GNG8: variants seen among roughly 807,000 people sequenced by gnomAD.
GNG8 encodes guanine nucleotide-binding protein G(I)/G(S)/G(O) subunit gamma-8.
In GNG8, 3 loss-of-function variants were observed where a neutral mutation model predicts 4.6. That is an observed-to-expected ratio of 0.65 (90% CI 0.29 to 1.67). GNG8 has a LOEUF of 1.67. GNG8 is among the 40% of genes most tolerant of loss of function. GNG8 has a pLI of 0.10. For synonymous variants in GNG8, 32 were observed against 40.5 expected (o/e 0.79, Z 0.80); for missense variants, 88 against 95.2 (o/e 0.92, Z 0.32).
intron 1 of GNG8, among the ~76,000 whole-genome samples, chr19:46,635,934 A>G (rs2052865706): frequency 6.6e-6 from 1 of 150,610 alleles, no homozygotes; most frequent in Non-Finnish European, 1.5e-5. Flanking sequence ...CAGAGGAAAG[A>G]AGGGAAGGAC....
upstream of GNG8, chr19:46,637,055 G>A (rs755903460): frequency 6.6e-6 from 1 of 152,224 alleles, no homozygotes; most frequent in Non-Finnish European, 1.5e-5. Flanking sequence ...GCCTCCCAAA[G>A]TGCTGGGATT....
intron 1 of GNG8, among the ~76,000 whole-genome samples, chr19:46,635,944 C>G (rs1317815480): frequency 6.8e-6 from 1 of 147,440 alleles, no homozygotes; most frequent in African/African-American, 2.5e-5. Flanking sequence ...AAGGGAAGGA[C>G]AAAGAGGGAG....
intron 2 of GNG8, 60 bp downstream of exon 2, chr19:46,634,539 C>T (rs1365386267): frequency 6.8e-7 from 1 of 1,462,448 alleles, no homozygotes; most frequent in East Asian, 2.3e-5. Context: ...CGGGCCGACA[C>T]AGCCCCGGAC....
intron 2 of GNG8, 23 bp downstream of exon 2, chr19:46,634,576 T>G: frequency 1.0e-5 from 15 of 1,487,878 alleles, no homozygotes; most frequent in Non-Finnish European, 1.3e-5. Context: ...ACCCCCGCCC[T>G]ATTCCCCACC....
intron 1 of GNG8, among the ~76,000 whole-genome samples, chr19:46,635,925 A>C (rs1599780898): frequency 6.6e-6 from 1 of 150,962 alleles, no homozygotes; most frequent in African/African-American, 2.4e-5. Context: ...ATAGAGGGAC[A>C]GAGGAAAGAA....
chr19:46,634,517 A>G, intron 2 of GNG8, 82 bp downstream of exon 2: 14 of 1,292,264 alleles, frequency 1.1e-5, no homozygotes, highest in African/African-American at 1.5e-5. Flanking sequence ...TCCTTGCACT[A>G]TGGCTCCGAG....
Position 46,634,212 on chromosome 19 carries a change from C to A in GNG8, c.85-8G>T, listed in dbSNP as rs1568686195. 6.3e-7 allele frequency: 1 copy of A among 1,599,876 alleles called. No individual in the cohort carries two copies. Among genetic ancestry groups the A allele is most frequent in the South Asian group, 1.1e-5 (1 of 89,776 alleles). ...CGCTGCTGCCTGCGACACCTGCGAGCACCCGGGTGGAGATGTCACCGCCCT... is the reference window on the plus strand; with the variant it reads ...CGCTGCTGCCTGCGACACCTGCGAGAACCCGGGTGGAGATGTCACCGCCCT... On this transcript the variant is annotated splice_polypyrimidine_tract_variant and splice_region_variant and intron_variant, in intron 2 of 2. Transcript: ENST00000693335.
chr19:46,634,902 T>G, intron 1 of GNG8, among the ~76,000 whole-genome samples, 177 bp from the exon 2 acceptor site: 2 of 146,684 alleles, frequency 1.4e-5, no homozygotes, highest in Non-Finnish European at 3.0e-5. Flanking sequence ...CGGATGGAGG[T>G]AGCTAAGGCA....
At chr19:46,639,044 A>G, upstream of GNG8, 1 of 153,740 alleles carries the variant, frequency 6.5e-6, no homozygotes, top group Non-Finnish European at 1.4e-5. The surrounding 1 kb of genome is among the most constrained non-coding windows in gnomAD (Gnocchi z 5.2). Flanking sequence ...AGGCAGAGAC[A>G]GACAGGACAC....
Position 46,634,125 on chromosome 19 carries a change from G to C in GNG8, c.164C>G (p.Ala55Gly), listed in dbSNP as rs756966405. 5.0e-6 allele frequency: 8 copies of C among 1,613,776 alleles called. No individual in the cohort carries two copies. In the South Asian group the frequency reaches 8.8e-5, roughly 18 times the overall value. The part of the protein sequence containing the change: ...KDDPLVTPVP[A>G]AENPFRDKRL... ...CTTGTCGCGGAAGGGGTTCTCCGCG[G>C]CGGGTACTGGCGTCACCAGCGGGTC... Residue 55 changes from alanine (A) to glycine (G), a missense_variant, in exon 3 of 3, where the codon GCC (alanine) becomes GGC (glycine). Coordinates refer to ENST00000693335, the MANE Select transcript of GNG8 (RefSeq NM_033258.2).
Position 46,634,101 on chromosome 19 carries a change from T to C in GNG8, c.188A>G (p.Lys63Arg), listed in dbSNP as rs1253954895. ...VPAAENPFRDKRLFCVLL is the reference protein window; with the variant it reads ...VPAAENPFRDRRLFCVLL ...TCAGAGCAGAACACAAAAGAGGCGC[T>C]TGTCGCGGAAGGGGTTCTCCGCGGC... Residue 63 changes from lysine (K) to arginine (R), a missense_variant, in exon 3 of 3, where the codon AAG becomes AGG. Physicochemically the swap from Lys to Arg is conservative, Grantham distance 26. Coordinates refer to ENST00000693335, the MANE Select transcript of GNG8 (RefSeq NM_033258.2). 1 of 1,613,886 alleles carries C rather than the reference T, an allele frequency of 6.2e-7. No homozygotes were observed. Among genetic ancestry groups the C allele is most frequent in the East Asian group, 2.2e-5 (1 of 44,876 alleles).
intron 1 of GNG8, among the ~76,000 whole-genome samples, 102 bp downstream of exon 1, chr19:46,636,045 C>CTCACTCAT (rs962714637): frequency 1.5e-4 from 23 of 152,040 alleles, no homozygotes; most frequent in African/African-American, 5.1e-4. Flanking sequence ...AATTCATTCA[C>CTCACTCAT]TCACTCATTC....
chr19:46,634,488 A>T, intron 2 of GNG8, 111 bp downstream of exon 2: 2 of 745,254 alleles, frequency 2.7e-6, no homozygotes, highest in Non-Finnish European at 3.8e-6. Flanking sequence ...CCCCTTGCCC[A>T]GCCCTGTTCC....
At chr19:46,635,389 G>T (rs3810295) in intron 1 of GNG8, among the ~76,000 whole-genome samples, 21,384 of 146,926 alleles carry the variant, frequency 0.15, 1,704 homozygotes, top group African/African-American at 0.22. Flanking sequence ...AATAGAGAGA[G>T]GGAGAGACTG....
At chr19:46,634,821 G>T (rs1049279964) in intron 1 of GNG8, 96 bp from the exon 2 acceptor site, 9 of 660,854 alleles carry the variant, frequency 1.4e-5, no homozygotes, top group Non-Finnish European at 2.5e-5. Flanking sequence ...GCGTGAATGG[G>T]GTGGCCAGGG....
chr19:46,635,740 GA>G lies in GNG8; in HGVS notation c.-44+406del, dbSNP rs1265192609. ...AGGGGGTGTGGGGTGGGAGAGGATG[GA>G]GGAGATGGAGGGAGGGGGTGTGGGG... On this transcript the variant is annotated intron_variant, in intron 1 of 2. Transcript: ENST00000693335. Among the ~76,000 whole-genome samples, 19 of 3,734 alleles carry G rather than the reference GA, an allele frequency of 5.1e-3. 4 individuals are homozygous for G. The highest frequency in any genetic ancestry group is 0.029 in the South Asian group (3 of 102). 2.4% of individuals were successfully genotyped at this position (3,734 alleles called of 152,430 possible).
chr19:46,634,160 A>T lies in GNG8; in HGVS notation c.129T>A (p.His43Gln), dbSNP rs2052846412. ...GCGTCACCAGCGGGTCATCTTTGGC[A>T]TGCGTCTCGCAGAAAGCCAGGAGTT... ...AAELLAFCET[H>Q]AKDDPLVTPV... is the part of the protein sequence containing the mutation. Residue 43 changes from histidine (H) to glutamine (Q), a missense_variant, in exon 3 of 3, where the codon CAT becomes CAA. Physicochemically the swap from His to Gln is conservative, Grantham distance 24 (BLOSUM62 0). Transcript: ENST00000693335. 1 of 1,613,502 alleles carries T rather than the reference A, an allele frequency of 6.2e-7. No individual in the cohort carries two copies.
rs570132675 is a variant in GNG8 at position 46,634,747 on chromosome 19, C to T, written c.-43-22G>A. 1.9e-4 allele frequency: 256 copies of T among 1,354,104 alleles called. No individual in the cohort carries two copies. The African/African-American group carries it at 3.3e-3, about 17-fold the overall frequency. The allele number at this position is 1,354,104 out of a possible 1,614,324, so 83.9% of individuals were successfully genotyped here. A position where few individuals can be genotyped will look rare whatever the true frequency, so the allele number is the denominator to read the frequency against. ...GGGGCTGTGGGGGTAGGTTAGGATA[C>T]GTCTGGGTCCCGAGGTGGGGGCGAG... is the stretch of plus-strand genomic sequence containing the variant. On this transcript the variant is annotated intron_variant, in intron 1 of 2. Transcript: ENST00000693335.
At chr19:46,634,564 G>A in intron 2 of GNG8, 35 bp downstream of exon 2, 1 of 1,578,424 alleles carries the variant, frequency 6.3e-7, no homozygotes, top group Non-Finnish European at 8.7e-7. Context: ...CGCAGGCCCA[G>A]AACCCCCGCC....
Sources: allele counts gnomAD v4.1 joint callset (sites outside exome capture counted in the v4.1 genomes callset), GRCh38; gene constraint gnomAD v4.1.1; non-coding constraint Gnocchi (gnomAD v3.1); transcripts MANE v1.5; gene names NCBI Gene and HGNC (gene_info 2026-07-23, HGNC 2026-07-21).